The following NAA25 variants were observed in gnomAD, a reference collection of about 807,000 sequenced individuals.
NAA25 encodes the protein N-alpha-acetyltransferase 25, NatB auxiliary subunit.
In NAA25, 30 loss-of-function variants were observed where a neutral mutation model predicts 132.5. The observed-to-expected ratio is 0.23, with a 90% CI of 0.17 to 0.31. The LOEUF is 0.31. Ranked by LOEUF, NAA25 falls within the 10% of genes least tolerant of loss-of-function variation. The pLI is 1.00. For missense variants in NAA25, 771 were observed against 1,150.4 expected (o/e 0.67, Z 4.77); for synonymous variants, 359 against 401.9 (o/e 0.89, Z 1.28).
At chr12:112,091,293 G>T (rs935870845) in intron 2 of NAA25, among the ~76,000 whole-genome samples, 2 of 151,024 alleles carry the variant, frequency 1.3e-5, no homozygotes, top group African/African-American at 4.9e-5. Flanking sequence ...GCACTCATGC[G>T]TATAACACTT....
intron 1 of NAA25, among the ~76,000 whole-genome samples, chr12:112,094,130 A>G (rs966324349): frequency 1.3e-5 from 2 of 151,390 alleles, no homozygotes; most frequent in Non-Finnish European, 2.9e-5. Context: ...AGTCCCAGCT[A>G]CTGGGGAGGC....
chr12:112,074,075 G>A (rs1307239080), intron 9 of NAA25, among the ~76,000 whole-genome samples: 1 of 152,006 alleles, frequency 6.6e-6, no homozygotes, highest in Non-Finnish European at 1.5e-5. Context: ...GCTCACACCT[G>A]TAATCCCAGC....
intron 17 of NAA25, among the ~76,000 whole-genome samples, chr12:112,044,268 C>G (rs1353046997): frequency 6.6e-6 from 1 of 151,890 alleles, no homozygotes; most frequent in Non-Finnish European, 1.5e-5. Context: ...AGTTAAGATG[C>G]CTTTGAAGGG....
At chr12:112,031,222 G>A (rs1008941765) in intron 23 of NAA25, among the ~76,000 whole-genome samples, 2 of 152,232 alleles carry the variant, frequency 1.3e-5, no homozygotes, top group African/African-American at 2.4e-5. Flanking sequence ...ATCAGGACTA[G>A]AGGTCACAGT....
At chr12:112,042,395 T>G (rs2078312726) in intron 19 of NAA25, 2 of 173,874 alleles carry the variant, frequency 1.2e-5, no homozygotes, top group Non-Finnish European at 2.4e-5. Flanking sequence ...CTACTAACCT[T>G]ATGATTTAAA....
At chr12:112,074,362 AAAG>A (rs2078864006) in intron 9 of NAA25, among the ~76,000 whole-genome samples, 2 of 151,084 alleles carry the variant, frequency 1.3e-5, no homozygotes, top group Admixed American at 1.3e-4. Context: ...AAAAAAAAAA[AAAG>A]GAGAAAAAGA....
At position 112,082,013 on chromosome 12, in the gene NAA25, G is replaced by T. The variant is rs553769357; in HGVS notation, c.403-879C>A. On this transcript the variant is annotated intron_variant, in intron 4 of 23. Transcript: ENST00000261745. Reference sequence around the variant, plus strand: ...TGCCTGTAATCCCATCACTTTGGGAGGCCGAGGCTGGCAGATCATCTGAGG... The same window carrying T: ...TGCCTGTAATCCCATCACTTTGGGATGCCGAGGCTGGCAGATCATCTGAGG... Among the ~76,000 whole-genome samples, 3 of 152,332 alleles carry T rather than the reference G, an allele frequency of 2.0e-5. No homozygotes were observed. The South Asian group carries it at 6.2e-4, about 32-fold the overall frequency.
At position 112,028,812 on chromosome 12, in the gene NAA25, C is replaced by T. The variant is rs1485986236; in HGVS notation, c.*719G>A. On this transcript the variant is annotated 3_prime_UTR_variant, in exon 24 of 24. Coordinates refer to ENST00000261745, the MANE Select transcript of NAA25 (RefSeq NM_024953.4). ...TAAGTGGTCTGCACTGCTTTCCCCTCTAAACAGCTATAAATTAACAGAGCC... is the reference window on the plus strand; with the variant it reads ...TAAGTGGTCTGCACTGCTTTCCCCTTTAAACAGCTATAAATTAACAGAGCC... 6.6e-6 allele frequency: 1 copy of T among 152,192 alleles called. No individual in the cohort carries two copies. Among genetic ancestry groups the T allele is most frequent in the African/African-American group, 2.4e-5 (1 of 41,438 alleles). 9.4% of individuals were successfully genotyped at this position (152,192 alleles called of 1,614,324 possible).
chr12:112,105,780 T>C (rs1008062724), intron 1 of NAA25, among the ~76,000 whole-genome samples: 3 of 152,234 alleles, frequency 2.0e-5, no homozygotes, highest in South Asian at 2.1e-4. Context: ...AGAATGTCTA[T>C]GTTCAAATCC....
intron 1 of NAA25, among the ~76,000 whole-genome samples, chr12:112,107,085 T>G (rs1002541467): frequency 2.0e-5 from 3 of 147,980 alleles, no homozygotes; most frequent in South Asian, 4.4e-4. Context: ...CATGGTAAAC[T>G]CCTGTCTCTA....
At chr12:112,061,662 T>A (rs2078631573) in intron 11 of NAA25, among the ~76,000 whole-genome samples, 1 of 152,170 alleles carries the variant, frequency 6.6e-6, no homozygotes, top group Admixed American at 6.5e-5. Context: ...AGTGAAAGAT[T>A]TTTATACTTC....
chr12:112,057,231 A>C (rs188510540), intron 13 of NAA25, among the ~76,000 whole-genome samples: 35 of 152,260 alleles, frequency 2.3e-4, no homozygotes, highest in Non-Finnish European at 3.4e-4. Flanking sequence ...AAAATAAAAT[A>C]AAATAAAATA....
chr12:112,039,138 C>T, intron 22 of NAA25, 91 bp downstream of exon 22: 1 of 720,682 alleles, frequency 1.4e-6, no homozygotes, highest in Non-Finnish European at 2.2e-6. Context: ...ATATAGGATC[C>T]TAAGGACTCA....
rs1317126125 is a variant in NAA25, at chr12:112,043,735, T to C, written c.2140A>G (p.Lys714Glu). 2 of 1,614,060 alleles carry C rather than the reference T, an allele frequency of 1.2e-6. No individual in the cohort carries two copies. The highest frequency in any genetic ancestry group is 2.2e-5 in the East Asian group (1 of 44,898). The stretch of plus-strand genomic sequence containing the variant: ...GAGGATACCCCATTCTCGGCAGTCT[T>C]CTCCGAGTTCTTTGGCTCCACAGGG... ...NHPVEPKNSE[K>E]TAENGVSSRI... is the part of the protein sequence containing the mutation. The change falls in exon 18 of 24, where the codon AAG (lysine) becomes GAG (glutamate). Residue 714 changes from lysine to glutamate, a missense_variant. By Grantham distance (56) the Lys-to-Glu change is moderately conservative (BLOSUM62 1). Around this residue, in one of 3 missense-constraint regions of NAA25, gnomAD observed 324 missense variants for 400.0 expected, o/e 0.81. Transcript: ENST00000261745.
rs376949445 is a variant in NAA25, at chr12:112,072,605, T to A, written c.867-541A>T. On this transcript the variant is annotated intron_variant, in intron 9 of 23. Coordinates refer to ENST00000261745, the MANE Select transcript of NAA25 (RefSeq NM_024953.4). ...GCCTAGGTGACAGAGAGAGATTCCA[T>A]CTCAAAAAAAAAAAAAAGAAAAGAA... is the stretch of plus-strand genomic sequence containing the variant. Among the ~76,000 whole-genome samples the A allele has an allele frequency of 5.0e-4, 67 of 133,020 alleles. 1 individual carries two copies. The highest frequency in any genetic ancestry group is 1.9e-3 in the African/African-American group (66 of 35,186). The allele number at this position is 133,020 out of a possible 152,430, so 87.3% of individuals were successfully genotyped here.
At chr12:112,045,780 G>A (rs1169846831) in intron 17 of NAA25, among the ~76,000 whole-genome samples, 3 of 152,078 alleles carry the variant, frequency 2.0e-5, no homozygotes, top group African/African-American at 7.2e-5. Flanking sequence ...GGGCGACAGA[G>A]ACAGACTAGG....
chr12:112,083,690 A>G (rs1284610691), intron 4 of NAA25, among the ~76,000 whole-genome samples: 1 of 152,140 alleles, frequency 6.6e-6, no homozygotes, highest in Non-Finnish European at 1.5e-5. Flanking sequence ...AATTCCATTG[A>G]TCCCTGGGAA....
At chr12:112,045,687 T>C (rs1368324132) in intron 17 of NAA25, among the ~76,000 whole-genome samples, 2 of 149,678 alleles carry the variant, frequency 1.3e-5, no homozygotes, top group Non-Finnish European at 3.0e-5. Flanking sequence ...CCCAGCTACT[T>C]GGGAGGCTGA....
chr12:112,052,864 C>T (rs1452431829), intron 15 of NAA25, among the ~76,000 whole-genome samples: 2 of 152,188 alleles, frequency 1.3e-5, no homozygotes, highest in Non-Finnish European at 1.5e-5. Flanking sequence ...GCAGTGACCA[C>T]CCTGGAGACA....
Sources: allele counts gnomAD v4.1 joint callset (sites outside exome capture counted in the v4.1 genomes callset), GRCh38; gene constraint gnomAD v4.1.1; regional missense constraint gnomAD v4.1.1; transcripts MANE v1.5; gene names NCBI Gene and HGNC (gene_info 2026-07-23, HGNC 2026-07-21).